Variants in CTNNA2 observed in about 807,000 individuals in gnomAD.
The protein encoded by CTNNA2 is catenin alpha 2.
CTNNA2 carries 42 observed loss-of-function variants against 101.0 expected under a neutral mutation model. The observed-to-expected ratio is 0.42, with a 90% CI of 0.32 to 0.54. The LOEUF is 0.54. Among genes scored for constraint, CTNNA2 ranks in the 20% least tolerant of loss-of-function variants. The probability of loss-of-function intolerance (pLI) is 0.14; values close to 1 mark genes in which losing one functional copy is unlikely to be tolerated. For missense variants in CTNNA2, 871 were observed against 1,223.1 expected (o/e 0.71, Z 4.29); for synonymous variants, 450 against 456.4 (o/e 0.99, Z 0.18).
At position 79,243,348 on chromosome 2, in the gene CTNNA2, T is replaced by C. The variant is rs1035003380; in HGVS notation, c.-406+45272T>C. 2.0e-5 allele frequency among the ~76,000 whole-genome samples: 3 copies of C among 152,154 alleles called. No individual in the cohort carries two copies. In the South Asian group the frequency reaches 6.2e-4, roughly 32 times the overall value. On this transcript the variant is annotated intron_variant, in intron 2 of 21. Transcript: ENST00000466387. ...AAAAAGTACTTCTTTCTAAACAGTA[T>C]GTTTTACTATAGAGGGCATAGTGTG...
chr2:79,918,440 G>C (rs577787870), intron 7 of CTNNA2, among the ~76,000 whole-genome samples: 5 of 152,192 alleles, frequency 3.3e-5, no homozygotes, highest in African/African-American at 9.7e-5. Context: ...AGCTAGATTA[G>C]GGGCCTCAGC....
At chr2:80,623,427 T>A (rs547974101) in intron 18 of CTNNA2, among the ~76,000 whole-genome samples, 1 of 151,904 alleles carries the variant, frequency 6.6e-6, no homozygotes, top group African/African-American at 2.4e-5. Context: ...GGGAGGAATA[T>A]CTCAGAAAAG....
intron 7 of CTNNA2, among the ~76,000 whole-genome samples, chr2:79,984,525 T>C (rs1691626092): frequency 6.6e-6 from 1 of 152,224 alleles, no homozygotes; most frequent in Non-Finnish European, 1.5e-5. Context: ...AAGTTACCTT[T>C]GTGCTGATCT....
Position 80,303,713 on chromosome 2 carries a change from G to C in CTNNA2, c.1057-89498G>C, listed in dbSNP as rs1676609959. ...CCGGCACAGCTGCGGGCACCCGCTG[G>C]GGGCGGCGGGCAGCATCTGAAAGCA... On this transcript the variant is annotated intron_variant, in intron 7 of 18. Coordinates refer to ENST00000402739, the MANE Select transcript of CTNNA2 (RefSeq NM_001282597.3). The surrounding 1 kb of genome is among the most constrained non-coding windows in gnomAD (Gnocchi z 7.7). 6 of 1,607,644 alleles carry C rather than the reference G, an allele frequency of 3.7e-6. No homozygotes were observed. The Admixed American group carries it at 5.0e-5, about 14-fold the overall frequency.
intron 3 of CTNNA2, among the ~76,000 whole-genome samples, chr2:79,824,361 G>A (rs1192158031): frequency 6.6e-6 from 1 of 152,100 alleles, no homozygotes; most frequent in Non-Finnish European, 1.5e-5. Context: ...AGTTGTACAA[G>A]CCAATAAATG....
chr2:80,609,679 G>A (rs1698301451), intron 17 of CTNNA2, among the ~76,000 whole-genome samples: 1 of 151,686 alleles, frequency 6.6e-6, no homozygotes, highest in African/African-American at 2.4e-5. Context: ...CAGCTTTCAT[G>A]TCCATCTGTA....
At chr2:79,995,319 T>A (rs1692466869) in intron 7 of CTNNA2, among the ~76,000 whole-genome samples, 1 of 152,184 alleles carries the variant, frequency 6.6e-6, no homozygotes, top group South Asian at 2.1e-4. Flanking sequence ...CTGGAAGGGA[T>A]GTTCATTAAT....
intron 2 of CTNNA2, among the ~76,000 whole-genome samples, chr2:79,685,695 C>G (rs565545527): frequency 6.6e-6 from 1 of 151,932 alleles, no homozygotes. Flanking sequence ...ATTGGGCAGC[C>G]GGGTAATTGG....
chr2:80,179,006 C>T (rs914109780), intron 7 of CTNNA2, among the ~76,000 whole-genome samples: 3 of 152,150 alleles, frequency 2.0e-5, no homozygotes, highest in Admixed American at 6.5e-5. Flanking sequence ...AAGGGAAAAG[C>T]GATCAAGATC....
At chr2:79,232,638 G>A (rs562620644) in intron 2 of CTNNA2, among the ~76,000 whole-genome samples, 6 of 152,094 alleles carry the variant, frequency 3.9e-5, no homozygotes, top group Non-Finnish European at 8.8e-5. Flanking sequence ...TGTACATCTG[G>A]TAGAATTTTA....
chr2:80,306,369 TTC>T (rs1175181220), intron 7 of CTNNA2, among the ~76,000 whole-genome samples: 2 of 143,078 alleles, frequency 1.4e-5, no homozygotes, highest in Non-Finnish European at 3.0e-5. Context: ...GGTTTTTTCT[TTC>T]TTTCTTTCTT....
chr2:79,818,569 C>A (rs1677719008), intron 3 of CTNNA2, among the ~76,000 whole-genome samples: 1 of 151,730 alleles, frequency 6.6e-6, no homozygotes, highest in East Asian at 1.9e-4. Context: ...CTCACCTCGG[C>A]CTCCCAAAGT....
intron 2 of CTNNA2, among the ~76,000 whole-genome samples, chr2:79,210,036 A>C (rs1674150822): frequency 6.7e-6 from 1 of 149,662 alleles, no homozygotes; most frequent in East Asian, 2.0e-4. Flanking sequence ...CACTGTTTCT[A>C]CCAGAAGGCA....
intron 7 of CTNNA2, among the ~76,000 whole-genome samples, chr2:79,965,233 A>G (rs1230966006): frequency 6.6e-6 from 1 of 152,184 alleles, no homozygotes; most frequent in Non-Finnish European, 1.5e-5. Context: ...ATTGGATGTG[A>G]AATGCAACCT....
intron 4 of CTNNA2, among the ~76,000 whole-genome samples, chr2:79,389,355 T>TA: frequency 6.6e-6 from 1 of 152,302 alleles, no homozygotes; most frequent in Admixed American, 6.5e-5. Flanking sequence ...CACTTGGTCT[T>TA]ACACCCTTAA....
At chr2:79,679,664 C>T (rs1377540562) in intron 2 of CTNNA2, among the ~76,000 whole-genome samples, 4 of 152,140 alleles carry the variant, frequency 2.6e-5, no homozygotes, top group East Asian at 3.9e-4. Context: ...TGTCGCATTA[C>T]TGTCTTCTGA....
chr2:79,566,659 A>G (rs570594826), intron 1 of CTNNA2, among the ~76,000 whole-genome samples: 1 of 152,302 alleles, frequency 6.6e-6, no homozygotes, highest in South Asian at 2.1e-4. Context: ...GTGAAAGAAA[A>G]TACAATACTT....
intron 4 of CTNNA2, among the ~76,000 whole-genome samples, chr2:79,445,004 T>C (rs1236198119): frequency 6.6e-6 from 1 of 152,122 alleles, no homozygotes; most frequent in Non-Finnish European, 1.5e-5. Context: ...ATTAGAAGTA[T>C]GGCACAATAC....
chr2:80,289,028 G>C (rs1179825086), intron 7 of CTNNA2: 1 of 152,128 alleles, frequency 6.6e-6, no homozygotes, highest in South Asian at 2.1e-4. Flanking sequence ...GCACTTTTAA[G>C]ATGGGAGTAA....
Sources: allele counts gnomAD v4.1 joint callset (sites outside exome capture counted in the v4.1 genomes callset), GRCh38; gene constraint gnomAD v4.1.1; non-coding constraint Gnocchi (gnomAD v3.1); transcripts MANE v1.5; gene names NCBI Gene and HGNC (gene_info 2026-07-23, HGNC 2026-07-21).